The following SLC29A3 variants were observed in gnomAD, a reference collection of about 807,000 sequenced individuals.
SLC29A3 encodes equilibrative nucleoside transporter 3.
A neutral mutation model predicts 25.4 loss-of-function variants in SLC29A3; 18 were observed. The ratio of observed to expected loss-of-function variants is 0.71; its 90% CI spans 0.49 to 1.05. The LOEUF (loss-of-function observed/expected upper bound fraction) is 1.05, where lower values mean the gene tolerates loss of function less well. SLC29A3 is among the 50% of genes least tolerant of loss of function. The pLI is 0.00. For missense variants in SLC29A3, 586 were observed against 609.0 expected, an observed-to-expected ratio of 0.96 and a Z score of 0.40; for synonymous variants, 258 against 267.1, an observed-to-expected ratio of 0.97 and a Z score of 0.33.
chr10:71,350,446 T>G (rs1846724362), intron 3 of SLC29A3, among the ~76,000 whole-genome samples: 1 of 151,866 alleles, frequency 6.6e-6, no homozygotes, highest in African/African-American at 2.4e-5. Context: ...AGCAGGAAAA[T>G]TAACTACACA....
intron 2 of SLC29A3, among the ~76,000 whole-genome samples, chr10:71,338,008 C>A (rs367904604): frequency 6.6e-6 from 1 of 152,224 alleles, no homozygotes; most frequent in Non-Finnish European, 1.5e-5. Flanking sequence ...ACTCAAGTGC[C>A]CCCCTGCCCA....
intron 4 of SLC29A3, among the ~76,000 whole-genome samples, chr10:71,355,149 G>A (rs1484312407): frequency 6.6e-6 from 1 of 152,216 alleles, no homozygotes; most frequent in African/African-American, 2.4e-5. Flanking sequence ...GCAACACACA[G>A]GGCAGGGGTT....
At chr10:71,326,573 A>G (rs1159382958) in intron 2 of SLC29A3, among the ~76,000 whole-genome samples, 1 of 152,202 alleles carries the variant, frequency 6.6e-6, no homozygotes, top group Non-Finnish European at 1.5e-5. Context: ...CGGCCGGCAC[A>G]GAGCTAGATT....
At chr10:71,327,521 T>C (rs1052721591) in intron 2 of SLC29A3, among the ~76,000 whole-genome samples, 6 of 152,150 alleles carry the variant, frequency 3.9e-5, no homozygotes, top group Non-Finnish European at 7.4e-5. Flanking sequence ...AGCCCTGCAA[T>C]GCAGATCTTA....
chr10:71,368,200 A>G (rs1192169781), downstream of SLC29A3, among the ~76,000 whole-genome samples: 1 of 152,206 alleles, frequency 6.6e-6, no homozygotes, highest in African/African-American at 2.4e-5. Context: ...ACTGCACCCC[A>G]GCCTGGGCAA....
At position 71,362,080 on chromosome 10, in the gene SLC29A3, C is replaced by T. The variant is rs1564543098; in HGVS notation, c.900C>T (p.Pro300=). ...ATTCCCACACACCCCCTCTCCGCCC[C>T]ATCCTGAAGAAGACGGCCAGCCTGG... ...FIDSHTPPLR[P]ILKKTASLGF... Residue 300 remains proline (P), a synonymous_variant, in exon 6 of 6, where the codon CCC becomes CCT. Coordinates refer to ENST00000373189, the MANE Select transcript of SLC29A3 (RefSeq NM_018344.6). The T allele has an allele frequency of 6.2e-7, 1 of 1,614,192 alleles. No homozygotes were observed.
intron 2 of SLC29A3, among the ~76,000 whole-genome samples, chr10:71,332,860 C>T (rs143158840): frequency 2.6e-5 from 4 of 152,314 alleles, no homozygotes; most frequent in Non-Finnish European, 5.9e-5. Flanking sequence ...TAGTTTGAAA[C>T]GCTGTCAGTC....
intron 3 of SLC29A3, among the ~76,000 whole-genome samples, chr10:71,348,238 G>A (rs970790729): frequency 9.2e-5 from 14 of 152,210 alleles, no homozygotes; most frequent in African/African-American, 3.4e-4. Context: ...TTTGCAGCGC[G>A]CCTCATCTTT....
intron 2 of SLC29A3, among the ~76,000 whole-genome samples, chr10:71,338,008 C>T (rs367904604): frequency 1.3e-5 from 2 of 152,342 alleles, no homozygotes; most frequent in African/African-American, 4.8e-5. Flanking sequence ...ACTCAAGTGC[C>T]CCCCTGCCCA....
chr10:71,339,765 A>C (rs904879215), intron 2 of SLC29A3, among the ~76,000 whole-genome samples: 1 of 151,990 alleles, frequency 6.6e-6, no homozygotes. Flanking sequence ...ACTGGCACCC[A>C]TACCTGCCAT....
chr10:71,339,732 C>T (rs1315377042), intron 2 of SLC29A3, among the ~76,000 whole-genome samples: 1 of 152,134 alleles, frequency 6.6e-6, no homozygotes, highest in Non-Finnish European at 1.5e-5. Flanking sequence ...CCGTTCTGTC[C>T]TGTTGGGAAT....
At chr10:71,324,381 C>T (rs1589221052) in intron 2 of SLC29A3, among the ~76,000 whole-genome samples, 1 of 152,274 alleles carries the variant, frequency 6.6e-6, no homozygotes, top group East Asian at 1.9e-4. Context: ...TTCTGTAAGA[C>T]CGACTGAGTA....
chr10:71,322,607 A>AT lies in SLC29A3; in HGVS notation c.2-148dup, dbSNP rs539482333. 414 of 909,914 alleles carry AT rather than the reference A, an allele frequency of 4.5e-4. 1 individual carries two copies. The African/African-American group carries it at 5.7e-3, about 13-fold the overall frequency. The allele number at this position is 909,914 out of a possible 1,614,324, so 56.4% of individuals were successfully genotyped here. The stretch of plus-strand genomic sequence containing the variant: ...TTTGTCTTTCTCCCTGATCCTTAAA[A>AT]TGAAGCTCTCCAACCAGGCTTTGGT... On this transcript the variant is annotated intron_variant, in intron 1 of 5. Transcript: ENST00000373189.
At chr10:71,328,399 T>C (rs967979370) in intron 2 of SLC29A3, among the ~76,000 whole-genome samples, 12 of 152,194 alleles carry the variant, frequency 7.9e-5, no homozygotes, top group African/African-American at 2.9e-4. Flanking sequence ...ATCACGTTCC[T>C]GCCCTACAGC....
chr10:71,374,864 C>T (rs1041139506), intron 3 of SLC29A3, among the ~76,000 whole-genome samples: 1 of 152,194 alleles, frequency 6.6e-6, no homozygotes, highest in African/African-American at 2.4e-5. Flanking sequence ...GAAATGGGGT[C>T]GCTTGCCTCT....
At chr10:71,348,702 T>C (rs1564536466) in intron 3 of SLC29A3, among the ~76,000 whole-genome samples, 1 of 152,218 alleles carries the variant, frequency 6.6e-6, no homozygotes, top group East Asian at 1.9e-4. Context: ...GGTGTCTACC[T>C]GGCTGCCCAA....
rs143557881 is a variant in SLC29A3 at position 71,351,666 on chromosome 10, G to T, written c.488G>T (p.Gly163Val). 5,938 of 1,614,154 alleles carry T rather than the reference G, an allele frequency of 3.7e-3. 118 individuals carry two copies. Among genetic ancestry groups the T allele is most frequent in the South Asian group, 0.016 (1,418 of 91,086 alleles). ...VKVDTSSWTR[G>V]FFAVTIVCMV... Reference sequence around the variant, plus strand: ...GTGGACACTTCCTCCTGGACCCGTGGCTTTTTTGCGGTCACCATTGTCTGC... The same window carrying T: ...GTGGACACTTCCTCCTGGACCCGTGTCTTTTTTGCGGTCACCATTGTCTGC... The change falls in exon 4 of 6, where the codon GGC (glycine) becomes GTC (valine). Residue 163 changes from glycine (G) to valine (V), a missense_variant. Gly to Val is a moderately radical substitution (Grantham distance 109). Coordinates refer to ENST00000373189, the MANE Select transcript of SLC29A3 (RefSeq NM_018344.6).
chr10:71,371,700 C>T (rs1163579102), intron 3 of SLC29A3, among the ~76,000 whole-genome samples: 4 of 152,188 alleles, frequency 2.6e-5, no homozygotes, highest in African/African-American at 9.7e-5. Context: ...GTTTCTTAAC[C>T]TCTCTGTGTC....
In SLC29A3 at chr10:71,362,036, G is replaced by A. The variant is rs533587954; in HGVS notation, c.856G>A (p.Val286Met). Residue 286 changes from valine (V) to methionine (M), a missense_variant, in exon 6 of 6, where the codon GTG becomes ATG. Transcript: ENST00000373189. ...LPQDSLSAPS[V>M]ASRFIDSHTP... is the part of the protein sequence containing the mutation. ...CCAGGACTCCCTCAGTGCCCCTTCG[G>A]TGGCCTCCAGATTCATTGATTCCCA... 6.2e-7 allele frequency: 1 copy of A among 1,614,116 alleles called. No individual in the cohort carries two copies. Among genetic ancestry groups the A allele is most frequent in the African/African-American group, 1.3e-5 (1 of 75,006 alleles).
Sources: gnomAD v4.1 joint callset for allele counts (sites outside exome capture counted in the v4.1 genomes callset) on GRCh38, gnomAD v4.1.1 for gene constraint, MANE v1.5 for transcripts, NCBI Gene and HGNC (gene_info 2026-07-23, HGNC 2026-07-21) for gene names.